VANGL2: variants seen among roughly 807,000 people sequenced by gnomAD.
The protein encoded by VANGL2 is VANGL planar cell polarity protein 2.
VANGL2 carries 14 observed loss-of-function variants against 50.2 expected under a neutral mutation model. The ratio of observed to expected loss-of-function variants is 0.28; its 90% CI spans 0.18 to 0.44. VANGL2 has a LOEUF of 0.44. Ranked by LOEUF, VANGL2 falls within the 20% of genes least tolerant of loss-of-function variation. The probability of loss-of-function intolerance (pLI) is 1.00; values close to 1 mark genes in which losing one functional copy is unlikely to be tolerated. For missense variants in VANGL2, 533 were observed against 701.5 expected, an observed-to-expected ratio of 0.76 and a Z score of 2.71; for synonymous variants, 295 against 297.2, an observed-to-expected ratio of 0.99 and a Z score of 0.08.
At position 160,426,406 on chromosome 1, in the gene VANGL2, G is replaced by A. The variant is rs1651455797; in HGVS notation, c.*1028G>A. ...GAGACCTGTTGCCTCATCTCTTTTG[G>A]GGAAGAGCCGGCAGCTCCTCCTCAT... On this transcript the variant is annotated 3_prime_UTR_variant, in exon 8 of 8. Transcript: ENST00000368061. 1 of 152,590 alleles carries A rather than the reference G, an allele frequency of 6.6e-6. No homozygotes were observed. The highest frequency in any genetic ancestry group is 1.5e-5 in the Non-Finnish European group (1 of 68,088). 9.5% of individuals were successfully genotyped at this position (152,590 alleles called of 1,614,324 possible).
Position 160,424,080 on chromosome 1 carries a change from A to G in VANGL2, c.1102A>G (p.Thr368Ala), listed in dbSNP as rs1376906457. 3.1e-6 allele frequency: 5 copies of G among 1,613,878 alleles called. No individual in the cohort carries two copies. Among genetic ancestry groups the G allele is most frequent in the Non-Finnish European group, 2.5e-6 (3 of 1,179,850 alleles). ...RLVVAVEEAF[T>A]HIKRLQEEEQ... ...TGTAGTGGCGGTGGAGGAGGCCTTC[A>G]CTCACATTAAGCGGCTGCAGGAAGA... The change falls in exon 7 of 8, where the codon ACT (threonine) becomes GCT (alanine). Residue 368 changes from threonine to alanine, a missense_variant. Transcript: ENST00000368061.
At chr1:160,405,114 C>T (rs1650605736) in intron 1 of VANGL2, among the ~76,000 whole-genome samples, 1 of 152,136 alleles carries the variant, frequency 6.6e-6, no homozygotes, top group Non-Finnish European at 1.5e-5. Context: ...CAGCTCACTC[C>T]TGTATGCATC....
intron 1 of VANGL2, among the ~76,000 whole-genome samples, chr1:160,406,091 C>T (rs545006377): frequency 6.6e-6 from 1 of 152,306 alleles, no homozygotes; most frequent in African/African-American, 2.4e-5. Context: ...TTGCTGAAAA[C>T]TCTTAACCTT....
At chr1:160,405,849 G>A (rs973548266) in intron 1 of VANGL2, among the ~76,000 whole-genome samples, 1 of 152,204 alleles carries the variant, frequency 6.6e-6, no homozygotes, top group Non-Finnish European at 1.5e-5. Context: ...GAAGAGGCAT[G>A]TTGGTTGCTC....
Position 160,419,116 on chromosome 1 carries a change from T to C in VANGL2, c.307T>C (p.Cys103Arg). Residue 103 changes from cysteine (C) to arginine (R), a missense_variant, in exon 4 of 8, where the codon TGC becomes CGC. Transcript: ENST00000368061. The surrounding 1 kb of genome is among the most constrained non-coding windows in gnomAD (Gnocchi z 5.8). The part of the protein sequence containing the change: ...KDMEDSVPLD[C>R]SRHLGVAAGA... ...CATGGAGGACAGTGTCCCTCTGGAC[T>C]GCTCCCGTCACCTGGGTGTGGCAGC... 1 of 1,614,226 alleles carries C rather than the reference T, an allele frequency of 6.2e-7. No individual in the cohort carries two copies.
At chr1:160,409,807 C>T (rs1434048447) in intron 1 of VANGL2, among the ~76,000 whole-genome samples, 1 of 152,192 alleles carries the variant, frequency 6.6e-6, no homozygotes, top group Admixed American at 6.5e-5. Context: ...GGAGGTTGGA[C>T]CCTGGGCTTA....
chr1:160,404,606 C>T (rs1339454889), intron 1 of VANGL2, among the ~76,000 whole-genome samples: 4 of 152,154 alleles, frequency 2.6e-5, no homozygotes, highest in African/African-American at 7.2e-5. Context: ...AATTTGCATC[C>T]TGTCTCTATG....
rs1170337404 is a variant in VANGL2, at chr1:160,425,431, A to AGG, written c.*57_*58dup. 4.2e-5 allele frequency: 8 copies of AGG among 191,054 alleles called. No individual in the cohort carries two copies. In the East Asian group the frequency reaches 5.8e-4, roughly 14 times the overall value. The allele number at this position is 191,054 out of a possible 1,614,324, so 11.8% of individuals were successfully genotyped here. A position where few individuals can be genotyped will look rare whatever the true frequency, so the allele number is the denominator to read the frequency against. ...CTCTGGGGGGTCCTGAGGGGGTGGGAGGGGGCTTGGTTCTCAGGCCCAGCC... is the reference window on the plus strand; with the variant it reads ...CTCTGGGGGGTCCTGAGGGGGTGGGAGGGGGGGCTTGGTTCTCAGGCCCAGCC... On this transcript the variant is annotated 3_prime_UTR_variant, in exon 8 of 8. Coordinates refer to ENST00000368061, the MANE Select transcript of VANGL2 (RefSeq NM_020335.3).
chr1:160,423,850 C>T (rs564429296), intron 6 of VANGL2, among the ~76,000 whole-genome samples: 6 of 152,228 alleles, frequency 3.9e-5, no homozygotes, highest in African/African-American at 1.4e-4. Flanking sequence ...CCCTCTGAGT[C>T]CCTGGGCTGG....
In VANGL2 at chr1:160,419,358, C is replaced by T. The variant is rs748120928; in HGVS notation, c.549C>T (p.Ala183=). Residue 183 remains alanine, a synonymous_variant, in exon 4 of 8, where the codon GCC becomes GCT. Coordinates refer to ENST00000368061, the MANE Select transcript of VANGL2 (RefSeq NM_020335.3). This position sits in a 1 kb window ranked among gnomAD's most constrained non-coding sequence, Gnocchi z 5.8. ...TGCCCCGCGTCTTTGTGCTGCGTGCCCTGCTTATGGTGCTGGTTTTCCTGC... is the reference window on the plus strand; with the variant it reads ...TGCCCCGCGTCTTTGTGCTGCGTGCTCTGCTTATGGTGCTGGTTTTCCTGC... ...ASLPRVFVLR[A]LLMVLVFLLV... 81 of 1,611,892 alleles carry T rather than the reference C, an allele frequency of 5.0e-5. No homozygotes were observed. Among genetic ancestry groups the T allele is most frequent in the South Asian group, 9.9e-5 (9 of 91,094 alleles).
Position 160,425,510 on chromosome 1 carries a change from C to A in VANGL2, c.*132C>A, listed in dbSNP as rs1166509303. 1.3e-5 allele frequency: 11 copies of A among 840,376 alleles called. No individual in the cohort carries two copies. In the African/African-American group the frequency reaches 1.6e-4, roughly 12 times the overall value. 52.1% of individuals were successfully genotyped at this position (840,376 alleles called of 1,614,324 possible). A position where few individuals can be genotyped will look rare whatever the true frequency, so the allele number is the denominator to read the frequency against. On this transcript the variant is annotated 3_prime_UTR_variant, in exon 8 of 8. Coordinates refer to ENST00000368061, the MANE Select transcript of VANGL2 (RefSeq NM_020335.3). ...TCTTTTTTTTTTACTTGAATTAACGCACCCCCACCTTCTCTCCTCGCTTCT... is the reference window on the plus strand; with the variant it reads ...TCTTTTTTTTTTACTTGAATTAACGAACCCCCACCTTCTCTCCTCGCTTCT...
chr1:160,407,358 A>T (rs1340188991), intron 1 of VANGL2, among the ~76,000 whole-genome samples: 2 of 152,094 alleles, frequency 1.3e-5, no homozygotes, highest in Non-Finnish European at 2.9e-5. Context: ...GGTTCTCAGG[A>T]TGGGGATACC....
chr1:160,401,387 G>A (rs893455418), intron 1 of VANGL2, among the ~76,000 whole-genome samples: 5 of 152,106 alleles, frequency 3.3e-5, no homozygotes, highest in Non-Finnish European at 7.4e-5. Flanking sequence ...AGTAGATAGG[G>A]TGTATGTACA....
intron 1 of VANGL2, among the ~76,000 whole-genome samples, chr1:160,412,884 G>A (rs982658000): frequency 2.6e-5 from 4 of 152,108 alleles, no homozygotes; most frequent in African/African-American, 9.7e-5. Flanking sequence ...TATTTTTACT[G>A]TACTTTTTCT....
At position 160,426,224 on chromosome 1, in the gene VANGL2, C is replaced by T. The variant is rs1651449703; in HGVS notation, c.*846C>T. ...CTGACTCCTGCTCCCTAACCCTACCCTCACTTTCGTCCCCGCTCTTCCCAG... is the reference window on the plus strand; with the variant it reads ...CTGACTCCTGCTCCCTAACCCTACCTTCACTTTCGTCCCCGCTCTTCCCAG... On this transcript the variant is annotated 3_prime_UTR_variant, in exon 8 of 8. Transcript: ENST00000368061. 1.3e-5 allele frequency: 2 copies of T among 152,804 alleles called. No individual in the cohort carries two copies. The highest frequency in any genetic ancestry group is 1.3e-4 in the Admixed American group (2 of 15,290). 9.5% of individuals were successfully genotyped at this position (152,804 alleles called of 1,614,324 possible).
intron 4 of VANGL2, 137 bp from the exon 5 acceptor site, chr1:160,420,274 G>A (rs1050076900): frequency 8.5e-6 from 10 of 1,174,918 alleles, no homozygotes; most frequent in East Asian, 2.4e-5. Context: ...CCTCAGGCCC[G>A]GAGTCAGGCT....
At chr1:160,418,814 C>T (rs978212825) in intron 3 of VANGL2, among the ~76,000 whole-genome samples, 188 bp from the exon 4 acceptor site, 1 of 152,216 alleles carries the variant, frequency 6.6e-6, no homozygotes, top group Non-Finnish European at 1.5e-5. Flanking sequence ...CAGACTTTGA[C>T]ACACATTGGA....
At chr1:160,404,739 A>G (rs1282865702) in intron 1 of VANGL2, among the ~76,000 whole-genome samples, 1 of 152,192 alleles carries the variant, frequency 6.6e-6, no homozygotes, top group Admixed American at 6.5e-5. Flanking sequence ...TGTAGCATGT[A>G]TTAGTACTTC....
In VANGL2 at chr1:160,411,235, T is replaced by C. The variant is rs551613124; in HGVS notation, c.-190-4413T>C. On this transcript the variant is annotated intron_variant, in intron 1 of 7. Coordinates refer to ENST00000368061, the MANE Select transcript of VANGL2 (RefSeq NM_020335.3). ...GTGTGTGTGTTTGTGTCTTGGGAAG[T>C]GGGGGGCAAGGTGAAAGGCAGTGGG... 1.7e-4 allele frequency among the ~76,000 whole-genome samples: 26 copies of C among 151,956 alleles called. No individual in the cohort carries two copies. In the South Asian group the frequency reaches 5.2e-3, roughly 30 times the overall value.
Sources: gnomAD v4.1 joint callset for allele counts (sites outside exome capture counted in the v4.1 genomes callset) on GRCh38, gnomAD v4.1.1 for gene constraint, Gnocchi (gnomAD v3.1) non-coding constraint, MANE v1.5 for transcripts, NCBI Gene and HGNC (gene_info 2026-07-23, HGNC 2026-07-21) for gene names.